HSF2BP: variants seen among roughly 807,000 people sequenced by gnomAD.
HSF2BP encodes heat shock transcription factor 2 binding protein.
A neutral mutation model predicts 35.0 loss-of-function variants in HSF2BP; 35 were observed. The observed-to-expected ratio is 1.00, with a 90% CI of 0.76 to 1.32. HSF2BP has a LOEUF of 1.32. Ranked by LOEUF, HSF2BP falls within the 40% of genes most tolerant of loss-of-function variation. The pLI, the probability that HSF2BP is intolerant of heterozygous loss-of-function variation, is 0.00. For synonymous variants in HSF2BP, 114 were observed against 117.4 expected (o/e 0.97, Z 0.18); for missense variants, 326 against 321.7 (o/e 1.01, Z -0.10).
chr21:43,625,172 G>A (rs996740410), intron 6 of HSF2BP, among the ~76,000 whole-genome samples: 8 of 152,068 alleles, frequency 5.3e-5, no homozygotes, highest in Admixed American at 2.0e-4. Flanking sequence ...CTTTCCGGGG[G>A]CAGAGGGAGA....
intron 3 of HSF2BP, among the ~76,000 whole-genome samples, chr21:43,647,580 C>T (rs2082725432): frequency 6.6e-6 from 1 of 152,146 alleles, no homozygotes; most frequent in African/African-American, 2.4e-5. Flanking sequence ...GGCTGTGTCT[C>T]TTGATGCTCA....
intron 8 of HSF2BP, among the ~76,000 whole-genome samples, chr21:43,591,654 G>A (rs1382423879): frequency 1.3e-5 from 2 of 152,120 alleles, no homozygotes; most frequent in Non-Finnish European, 2.9e-5. Flanking sequence ...GTATACAGTA[G>A]GCCCCTCTTA....
chr21:43,584,038 T>C (rs2081809902), intron 8 of HSF2BP, among the ~76,000 whole-genome samples: 1 of 131,582 alleles, frequency 7.6e-6, no homozygotes, highest in Admixed American at 7.6e-5. Context: ...CTAAGGGAGA[T>C]GAGGACCTGC....
chr21:43,611,975 G>A (rs576409407), intron 7 of HSF2BP, among the ~76,000 whole-genome samples: 11 of 152,304 alleles, frequency 7.2e-5, no homozygotes, highest in Non-Finnish European at 1.2e-4. Context: ...ATCATAAACA[G>A]TATCTGAAAG....
At chr21:43,573,254 C>T (rs1028164728) in intron 8 of HSF2BP, among the ~76,000 whole-genome samples, 2 of 152,186 alleles carry the variant, frequency 1.3e-5, no homozygotes, top group African/African-American at 2.4e-5. Flanking sequence ...GGGGGGCTGA[C>T]GCTGCCCACT....
At chr21:43,582,583 G>A (rs1292348504) in intron 8 of HSF2BP, among the ~76,000 whole-genome samples, 4 of 63,912 alleles carry the variant, frequency 6.3e-5, no homozygotes, top group Admixed American at 2.6e-4. Flanking sequence ...GGAGATGAAG[G>A]CCTGCTGAAG....
intron 3 of HSF2BP, among the ~76,000 whole-genome samples, 192 bp from the exon 4 acceptor site, chr21:43,644,584 T>C (rs1309863519): frequency 6.6e-6 from 1 of 152,216 alleles, no homozygotes; most frequent in Non-Finnish European, 1.5e-5. Context: ...TTCATCTCAG[T>C]TTTTAGCCCA....
At chr21:43,609,523 A>T (rs541786037) in intron 7 of HSF2BP, among the ~76,000 whole-genome samples, 20 of 152,246 alleles carry the variant, frequency 1.3e-4, no homozygotes, top group Admixed American at 3.9e-4. Flanking sequence ...AAAATGAGTG[A>T]CCTTCGATCA....
At chr21:43,602,232 C>T (rs1375913407) in intron 7 of HSF2BP, among the ~76,000 whole-genome samples, 1 of 152,236 alleles carries the variant, frequency 6.6e-6, no homozygotes, top group Non-Finnish European at 1.5e-5. Flanking sequence ...ACACTTAGTT[C>T]TAAAAGGCTG....
intron 8 of HSF2BP, among the ~76,000 whole-genome samples, chr21:43,591,542 C>G (rs2081925872): frequency 6.6e-6 from 1 of 152,084 alleles, no homozygotes; most frequent in Admixed American, 6.5e-5. Context: ...CTTAACATAC[C>G]AAGAAATTTT....
At chr21:43,609,372 C>A (rs1487850643) in intron 7 of HSF2BP, among the ~76,000 whole-genome samples, 1 of 152,140 alleles carries the variant, frequency 6.6e-6, no homozygotes, top group Non-Finnish European at 1.5e-5. Context: ...GAAGCCCAAA[C>A]CTTGGCATCA....
At chr21:43,581,298 A>G (rs1044006930) in intron 8 of HSF2BP, among the ~76,000 whole-genome samples, 3 of 152,042 alleles carry the variant, frequency 2.0e-5, no homozygotes, top group Admixed American at 2.0e-4. Context: ...AGGCAGAAGA[A>G]TGGCGTGAAC....
At chr21:43,657,706 C>T (rs2082893375) in intron 2 of HSF2BP, 1 of 393,674 alleles carries the variant, frequency 2.5e-6, no homozygotes, top group Non-Finnish European at 3.5e-6. Flanking sequence ...CTAAGCCTGA[C>T]GCTAAGTCCC....
rs532224680 is a variant in HSF2BP at position 43,648,787 on chromosome 21, C to T, written c.188-4395G>A. Among the ~76,000 whole-genome samples, 149 of 152,342 alleles carry T rather than the reference C, an allele frequency of 9.8e-4. 1 individual carries two copies. The South Asian group carries it at 0.03, about 31-fold the overall frequency. The stretch of plus-strand genomic sequence containing the variant: ...CGTATCAAACTCTCAGGAAATTAAT[C>T]TCAAAATATCCTACACTTTAGAAAT... On this transcript the variant is annotated intron_variant, in intron 3 of 8. Transcript: ENST00000291560.
chr21:43,610,086 T>C (rs185427883), intron 7 of HSF2BP: 1 of 152,208 alleles, frequency 6.6e-6, no homozygotes, highest in African/African-American at 2.4e-5. Context: ...AAAGAGGCAA[T>C]GGATTAGTAT....
At chr21:43,602,330 T>C (rs1568902716) in intron 7 of HSF2BP, among the ~76,000 whole-genome samples, 1 of 152,236 alleles carries the variant, frequency 6.6e-6, no homozygotes, top group East Asian at 1.9e-4. Flanking sequence ...GACGAATTCT[T>C]TGGAAAACGG....
the HSF2BP span, among the ~76,000 whole-genome samples, chr21:43,505,716 G>A: frequency 1.9e-5 from 2 of 105,860 alleles, no homozygotes; most frequent in Admixed American, 8.9e-5. Context: ...TTGGACTTCC[G>A]AGGTTCGGCC....
chr21:43,614,887 CAA>C (rs1340352889), intron 6 of HSF2BP, among the ~76,000 whole-genome samples: 2 of 152,008 alleles, frequency 1.3e-5, no homozygotes, highest in Non-Finnish European at 1.5e-5. Flanking sequence ...TATATGTAGT[CAA>C]AAAAGAGTAT....
intron 7 of HSF2BP, among the ~76,000 whole-genome samples, chr21:43,604,680 C>G (rs1041481691): frequency 7.6e-6 from 1 of 131,618 alleles, no homozygotes; most frequent in Non-Finnish European, 1.6e-5. Context: ...CCACCACACA[C>G]CACACACACA....
Sources: allele counts gnomAD v4.1 joint callset (sites outside exome capture counted in the v4.1 genomes callset), GRCh38; gene constraint gnomAD v4.1.1; transcripts MANE v1.5; gene names NCBI Gene and HGNC (gene_info 2026-07-23, HGNC 2026-07-21).